Variants in USP54 observed in about 807,000 individuals in gnomAD.
USP54 encodes the protein ubiquitin carboxyl-terminal hydrolase 54.
Under a neutral mutation model 170.5 loss-of-function variants are expected in USP54, and 87 were observed. The ratio of observed to expected loss-of-function variants is 0.51; its 90% confidence interval spans 0.43 to 0.61. The LOEUF is 0.61. USP54 is among the 20% of genes least tolerant of loss of function. The pLI, the probability that USP54 is intolerant of heterozygous loss-of-function variation, is 0.00. For synonymous variants in USP54, 655 were observed against 742.8 expected (o/e 0.88, Z 1.92); for missense variants, 1,786 against 2,047.8 (o/e 0.87, Z 2.47).
chr10:73,567,188 A>G (rs1019095298), intron 4 of USP54, among the ~76,000 whole-genome samples: 3 of 151,954 alleles, frequency 2.0e-5, no homozygotes, highest in African/African-American at 7.2e-5. Flanking sequence ...CGGTACTGGC[A>G]ATTTTCTATT....
In USP54 at chr10:73,608,579, T is replaced by C. The variant is rs962920467; in HGVS notation, c.-18+16988A>G. Among the ~76,000 whole-genome samples, 4 of 152,236 alleles carry C rather than the reference T, an allele frequency of 2.6e-5. No homozygotes were observed. The East Asian group carries it at 7.7e-4, about 29-fold the overall frequency. ...GTTATTATTATCCTAATCTCACAGATAAGGGAAGTGAGGTTCAAAAACATT... is the reference window on the plus strand; with the variant it reads ...GTTATTATTATCCTAATCTCACAGACAAGGGAAGTGAGGTTCAAAAACATT... On this transcript the variant is annotated intron_variant, in intron 1 of 22. Coordinates refer to the USP54 transcript ENST00000339859.
intron 12 of USP54, among the ~76,000 whole-genome samples, chr10:73,534,055 T>C (rs954587989): frequency 3.9e-5 from 6 of 152,226 alleles, no homozygotes; most frequent in Admixed American, 2.6e-4. Flanking sequence ...CAATCGTCTT[T>C]ATTGACATGC....
intron 1 of USP54, among the ~76,000 whole-genome samples, chr10:73,603,620 C>T (rs905437110): frequency 2.0e-5 from 3 of 152,008 alleles, no homozygotes; most frequent in African/African-American, 7.2e-5. Context: ...TGGTGGCGCA[C>T]ACCTGTAATG....
chr10:73,619,835 T>C (rs2080945325), intron 1 of USP54, among the ~76,000 whole-genome samples: 1 of 150,732 alleles, frequency 6.6e-6, no homozygotes, highest in Non-Finnish European at 1.5e-5. Context: ...GTTTGTATTC[T>C]GTCATCTATC....
chr10:73,511,564 G>C lies in USP54; in HGVS notation c.4051+4811C>G, dbSNP rs2060216827. ...AATCCCAGCTACTTGGGAGGCTGAA[G>C]CACGAGAATCGCTTGAACCTGGGAG... On this transcript the variant is annotated intron_variant, in intron 20 of 23. Coordinates refer to ENST00000687698, the MANE Select transcript of USP54 (RefSeq NM_001391956.1). 7.3e-5 allele frequency among the ~76,000 whole-genome samples: 11 copies of C among 151,464 alleles called. No homozygotes were observed. In the South Asian group the frequency reaches 2.3e-3, roughly 32 times the overall value.
intron 16 of USP54, among the ~76,000 whole-genome samples, chr10:73,524,225 A>G (rs2062447594): frequency 6.6e-6 from 1 of 151,812 alleles, no homozygotes; most frequent in Non-Finnish European, 1.5e-5. Flanking sequence ...TGGAGCTTAT[A>G]TTTTGGATAA....
chr10:73,539,395 T>C (rs2066067833), intron 10 of USP54, 49 bp downstream of exon 10: 4 of 1,452,294 alleles, frequency 2.8e-6, no homozygotes, highest in South Asian at 3.4e-5. Context: ...TGATTATTCT[T>C]TTTTTTTGTA....
At chr10:73,596,181 G>T (rs2078715151), upstream of USP54, among the ~76,000 whole-genome samples, 1 of 151,144 alleles carries the variant, frequency 6.6e-6, no homozygotes. Flanking sequence ...CATCACTTTG[G>T]GAGGCCAAGG....
chr10:73,575,761 T>G (rs1190995954), intron 2 of USP54, 37 bp downstream of exon 2: 2 of 1,379,886 alleles, frequency 1.4e-6, no homozygotes, highest in East Asian at 2.4e-5. Context: ...AATCCAGAAT[T>G]TAGTGAATTT....
intron 1 of USP54, among the ~76,000 whole-genome samples, chr10:73,583,428 G>A (rs2077118206): frequency 6.6e-6 from 1 of 152,170 alleles, no homozygotes. Context: ...TGGGATTACA[G>A]GCGCCTGCCA....
chr10:73,531,803 T>C (rs1564721781), intron 12 of USP54, among the ~76,000 whole-genome samples: 1 of 152,220 alleles, frequency 6.6e-6, no homozygotes, highest in Non-Finnish European at 1.5e-5. Flanking sequence ...TTTATGTAAC[T>C]TGCCCTGCTT....
chr10:73,624,022 T>C (rs921709808), intron 1 of USP54, among the ~76,000 whole-genome samples: 6 of 151,936 alleles, frequency 3.9e-5, no homozygotes, highest in African/African-American at 1.4e-4. Context: ...CAAAGCTTTA[T>C]CTTGCATCAG....
At position 73,498,558 on chromosome 10, in the gene USP54, G is replaced by A; in HGVS notation, c.*71C>T. ...CAAAGTGCTGGGATTACAGGTGTGA[G>A]CCACCGCGCCCGGCCCACAGTACAG... On this transcript the variant is annotated 3_prime_UTR_variant, in exon 24 of 24. Coordinates refer to ENST00000687698, the MANE Select transcript of USP54 (RefSeq NM_001391956.1). 2.1e-6 allele frequency: 3 copies of A among 1,455,322 alleles called. No individual in the cohort carries two copies. Among genetic ancestry groups the A allele is most frequent in the Non-Finnish European group, 2.7e-6 (3 of 1,091,680 alleles). The allele number at this position is 1,455,322 out of a possible 1,614,324, so 90.2% of individuals were successfully genotyped here.
At chr10:73,590,117 A>C (rs1365917643) in intron 1 of USP54, among the ~76,000 whole-genome samples, 1 of 152,192 alleles carries the variant, frequency 6.6e-6, no homozygotes, top group Non-Finnish European at 1.5e-5. Context: ...CTCACAATTA[A>C]CCTGCCAAAT....
chr10:73,606,175 C>CAA (rs1178699732), intron 1 of USP54, among the ~76,000 whole-genome samples: 1,463 of 25,594 alleles, frequency 0.057, 203 homozygotes, highest in Non-Finnish European at 0.13. Context: ...GAGGCTGTCT[C>CAA]AAAAAAAAAA....
rs2062943667 is a variant in USP54, at chr10:73,526,775, G to A, written c.2066C>T (p.Pro689Leu). 6 of 1,613,730 alleles carry A rather than the reference G, an allele frequency of 3.7e-6. No homozygotes were observed. Among genetic ancestry groups the A allele is most frequent in the Non-Finnish European group, 5.1e-6 (6 of 1,179,930 alleles). Residue 689 changes from proline to leucine, a missense_variant, in exon 16 of 24, where the codon CCA becomes CTA. Around this residue, in one of 3 missense-constraint regions of USP54, gnomAD observed 1,418 missense variants for 1,569.0 expected, o/e 0.90. Transcript: ENST00000687698. ...LPESSNVYRDPSAKRSAGLVP... is the reference protein window; with the variant it reads ...LPESSNVYRDLSAKRSAGLVP... ...CAACCCAGCTGATCTCTTAGCACTT[G>A]GATCCCTTCAAAAGAGAACTCAGAG...
At chr10:73,616,501 G>A (rs1422832880) in intron 1 of USP54, among the ~76,000 whole-genome samples, 3 of 149,850 alleles carry the variant, frequency 2.0e-5, no homozygotes, top group Non-Finnish European at 1.5e-5. Flanking sequence ...GGGCCTGTGC[G>A]GGGGTGGGAA....
At chr10:73,533,489 G>C (rs1237672293) in intron 12 of USP54, among the ~76,000 whole-genome samples, 2 of 151,454 alleles carry the variant, frequency 1.3e-5, no homozygotes, top group African/African-American at 4.9e-5. Flanking sequence ...CTAGGTGATG[G>C]GTACATGAAT....
Position 73,574,520 on chromosome 10 carries a change from T to A in USP54, c.147+992A>T, listed in dbSNP as rs1416317978. ...AAACAGAAAACAGGCCAGACACCTG[T>A]AATCCCAGCACCTTGGGAGGCTGAG... On this transcript the variant is annotated intron_variant, in intron 3 of 23. Transcript: ENST00000687698. Among the ~76,000 whole-genome samples, 3 of 152,258 alleles carry A rather than the reference T, an allele frequency of 2.0e-5. No individual in the cohort carries two copies. The East Asian group carries it at 5.8e-4, about 29-fold the overall frequency.
Sources: gnomAD v4.1 joint callset for allele counts (sites outside exome capture counted in the v4.1 genomes callset) on GRCh38, gnomAD v4.1.1 for gene constraint, gnomAD v4.1.1 regional missense constraint, MANE v1.5 for transcripts, NCBI Gene and HGNC (gene_info 2026-07-23, HGNC 2026-07-21) for gene names.